The following RORA variants were observed in gnomAD, a reference collection of about 807,000 sequenced individuals.
RORA encodes the protein RAR related orphan receptor A.
RORA carries 7 observed loss-of-function variants against 69.5 expected under a neutral mutation model. The ratio of observed to expected loss-of-function variants is 0.10; its 90% CI spans 0.06 to 0.19. The LOEUF (loss-of-function observed/expected upper bound fraction) is 0.19, where lower values mean the gene tolerates loss of function less well. Among genes scored for constraint, RORA ranks in the 10% least tolerant of loss-of-function variants. The pLI is 1.00. For missense variants in RORA, 457 were observed against 663.0 expected, an observed-to-expected ratio of 0.69 and a Z score of 3.41; for synonymous variants, 261 against 240.8, an observed-to-expected ratio of 1.08 and a Z score of -0.78.
In RORA at chr15:60,617,681, G is replaced by GAGAA. The variant is rs2069286618; in HGVS notation, c.196+60975_196+60976insTTCT. On this transcript the variant is annotated intron_variant, in intron 2 of 10. Coordinates refer to ENST00000335670, the MANE Select transcript of RORA (RefSeq NM_134261.3). ...AGACAGAGAGAGAGAGAGAGAGAGA[G>GAGAA]AGAGAGAGAGAAAGAGGGAGAGAGA... 2.0e-5 allele frequency among the ~76,000 whole-genome samples: 3 copies of GAGAA among 151,114 alleles called. 1 individual carries two copies. Among genetic ancestry groups the GAGAA allele is most frequent in the Non-Finnish European group, 4.4e-5 (3 of 67,734 alleles).
At chr15:60,884,221 G>T (rs939563921) in intron 1 of RORA, among the ~76,000 whole-genome samples, 1 of 151,326 alleles carries the variant, frequency 6.6e-6, no homozygotes, top group African/African-American at 2.4e-5. Context: ...AGAGAGAGAA[G>T]GACAAGAAGA....
At position 60,571,477 on chromosome 15, in the gene RORA, A is replaced by C. The variant is rs1316020039; in HGVS notation, c.197-39626T>G. ...CCAATTAAACCTTTTGATAGAAATG[A>C]ATAGCCTAGTTTTTAAAAGAGTTAA... On this transcript the variant is annotated intron_variant, in intron 2 of 10. Transcript: ENST00000335670. Among the ~76,000 whole-genome samples, 9 of 152,362 alleles carry C rather than the reference A, an allele frequency of 5.9e-5. No individual in the cohort carries two copies. The East Asian group carries it at 1.7e-3, about 29-fold the overall frequency.
At chr15:60,701,756 CTTCCGTA>C (rs921971800) in intron 1 of RORA, among the ~76,000 whole-genome samples, 104 of 152,250 alleles carry the variant, frequency 6.8e-4, no homozygotes, top group African/African-American at 2.3e-3. Flanking sequence ...TGCTCCTCTC[CTTCCGTA>C]TTGCAAACAT....
At chr15:60,862,297 A>T (rs1567217521) in intron 1 of RORA, among the ~76,000 whole-genome samples, 1 of 152,356 alleles carries the variant, frequency 6.6e-6, no homozygotes, top group East Asian at 1.9e-4. Context: ...GATAGAGGAA[A>T]AAGCTAAGGG....
intron 1 of RORA, among the ~76,000 whole-genome samples, chr15:60,938,771 G>A (rs964159252): frequency 6.6e-6 from 1 of 152,132 alleles, no homozygotes; most frequent in Non-Finnish European, 1.5e-5. Context: ...AAATAAAAAT[G>A]ATAATTGGTG....
intron 2 of RORA, among the ~76,000 whole-genome samples, chr15:60,625,819 A>G (rs1363632250): frequency 1.3e-5 from 2 of 152,268 alleles, no homozygotes; most frequent in Admixed American, 6.5e-5. Context: ...TGGCTAAGGC[A>G]TAAGGCTTAC....
intron 1 of RORA, among the ~76,000 whole-genome samples, chr15:61,093,848 C>T (rs564530213): frequency 3.3e-5 from 5 of 152,272 alleles, no homozygotes; most frequent in Admixed American, 3.3e-4. Context: ...TCCAGAACTC[C>T]ATGAAACGGG....
rs188058157 is a variant in RORA, at chr15:60,565,215, T to G, written c.197-33364A>C. Among the ~76,000 whole-genome samples, 230 of 152,340 alleles carry G rather than the reference T, an allele frequency of 1.5e-3. 1 individual carries two copies. Among genetic ancestry groups the G allele is most frequent in the African/African-American group, 5.3e-3 (222 of 41,584 alleles). Reference sequence around the variant, plus strand: ...CTCCCATAAAGGTAAATTCCACAGATAAGACATTTACTTTTTTCTTTTTAC... The same window carrying G: ...CTCCCATAAAGGTAAATTCCACAGAGAAGACATTTACTTTTTTCTTTTTAC... On this transcript the variant is annotated intron_variant, in intron 2 of 10. Coordinates refer to ENST00000335670, the MANE Select transcript of RORA (RefSeq NM_134261.3).
At chr15:61,056,091 G>A (rs1231357794) in intron 1 of RORA, among the ~76,000 whole-genome samples, 7 of 152,152 alleles carry the variant, frequency 4.6e-5, no homozygotes, top group Non-Finnish European at 8.8e-5. Flanking sequence ...CTTTAAAAAG[G>A]AAAAGAGACA....
At position 60,848,321 on chromosome 15, in the gene RORA, G is replaced by T. The variant is rs1050638845; in HGVS notation, c.167-169635C>A. 16 of 152,302 alleles carry T rather than the reference G, an allele frequency of 1.1e-4. 1 individual carries two copies. Among genetic ancestry groups the T allele is most frequent in the Admixed American group, 6.5e-4 (10 of 15,290 alleles). 9.4% of individuals were successfully genotyped at this position (152,302 alleles called of 1,614,324 possible). Reference sequence around the variant, plus strand: ...AAAGGAGGAAGAATTTTGAGATGGGGAGATGATCCTGGGTTATCCATGTGG... The same window carrying T: ...AAAGGAGGAAGAATTTTGAGATGGGTAGATGATCCTGGGTTATCCATGTGG... On this transcript the variant is annotated intron_variant, in intron 1 of 10. Coordinates refer to ENST00000335670, the MANE Select transcript of RORA (RefSeq NM_134261.3).
At chr15:60,690,580 A>G (rs577959559) in intron 1 of RORA, among the ~76,000 whole-genome samples, 1 of 152,366 alleles carries the variant, frequency 6.6e-6, no homozygotes, top group Non-Finnish European at 1.5e-5. Context: ...CTTTGCTACA[A>G]TAGTTTTCAA....
chr15:60,726,081 T>A (rs1477891463), intron 1 of RORA, among the ~76,000 whole-genome samples: 1 of 152,164 alleles, frequency 6.6e-6, no homozygotes, highest in African/African-American at 2.4e-5. Context: ...GATGTTGACA[T>A]AATGCTGCCT....
intron 1 of RORA, among the ~76,000 whole-genome samples, chr15:61,143,842 ATCT>A (rs532132312): frequency 1.0e-3 from 159 of 152,312 alleles, no homozygotes; most frequent in Non-Finnish European, 1.7e-3. Flanking sequence ...AAAAACAATA[ATCT>A]TAGCATAAGG....
intron 1 of RORA, among the ~76,000 whole-genome samples, chr15:60,946,873 C>T (rs1417857178): frequency 1.3e-5 from 2 of 151,270 alleles, no homozygotes; most frequent in African/African-American, 4.9e-5. Context: ...AGCGCCTCTG[C>T]CCCGCCGCCC....
chr15:60,542,272 T>C (rs956475763), intron 2 of RORA, among the ~76,000 whole-genome samples: 4 of 152,072 alleles, frequency 2.6e-5, no homozygotes, highest in African/African-American at 9.7e-5. Context: ...GAATAGCAGG[T>C]CCTTTTTAAT....
chr15:61,055,770 T>C (rs1454885890), intron 1 of RORA, among the ~76,000 whole-genome samples: 2 of 152,244 alleles, frequency 1.3e-5, no homozygotes, highest in East Asian at 1.9e-4. Flanking sequence ...TCGCTAATGT[T>C]TATAGGCAAA....
chr15:60,696,022 C>T (rs879461714), intron 1 of RORA, among the ~76,000 whole-genome samples: 1 of 152,026 alleles, frequency 6.6e-6, no homozygotes, highest in African/African-American at 2.4e-5. Flanking sequence ...TGACAGAAGT[C>T]TTATTATTAT....
chr15:60,631,541 A>G (rs776042677), intron 2 of RORA, among the ~76,000 whole-genome samples: 20 of 152,294 alleles, frequency 1.3e-4, no homozygotes, highest in Middle Eastern at 3.4e-3. Context: ...ATTACCGGAG[A>G]GGTTGCTGAC....
chr15:60,615,202 T>A (rs2069203725), intron 2 of RORA, among the ~76,000 whole-genome samples: 1 of 152,186 alleles, frequency 6.6e-6, no homozygotes, highest in Admixed American at 6.5e-5. Context: ...ATTCCTGTAT[T>A]TTGAATCCTG....
Sources: allele counts gnomAD v4.1 joint callset (sites outside exome capture counted in the v4.1 genomes callset), GRCh38; gene constraint gnomAD v4.1.1; transcripts MANE v1.5; gene names NCBI Gene and HGNC (gene_info 2026-07-23, HGNC 2026-07-21).